The following LRP1B variants were observed in gnomAD, a reference collection of about 807,000 sequenced individuals.
LRP1B encodes the protein LDL receptor related protein 1B.
Under a neutral mutation model 556.6 loss-of-function variants are expected in LRP1B, and 217 were observed. The ratio of observed to expected loss-of-function variants is 0.39; its 90% CI spans 0.35 to 0.44. The LOEUF is 0.44. Ranked by LOEUF, LRP1B falls within the 20% of genes least tolerant of loss-of-function variation. The pLI, the probability that LRP1B is intolerant of heterozygous loss-of-function variation, is 1.00. For synonymous variants in LRP1B, 2,047 were observed against 1,865.8 expected, an observed-to-expected ratio of 1.10 and a Z score of -2.50; for missense variants, 5,053 against 5,620.8, an observed-to-expected ratio of 0.90 and a Z score of 3.23.
chr2:140,616,671 G>T (rs1026719098), intron 41 of LRP1B, among the ~76,000 whole-genome samples: 1 of 151,612 alleles, frequency 6.6e-6, no homozygotes, highest in Non-Finnish European at 1.5e-5. Flanking sequence ...CTTCATTTAT[G>T]AATGATTCAG....
At chr2:141,013,808 T>C in intron 13 of LRP1B, 63 bp from the exon 14 acceptor site, 1 of 934,544 alleles carries the variant, frequency 1.1e-6, no homozygotes, top group Non-Finnish European at 1.5e-6. Flanking sequence ...ACTAGATATT[T>C]AGAGAAAGTG....
chr2:140,405,089 A>T (rs1267006308), intron 66 of LRP1B, among the ~76,000 whole-genome samples: 1 of 152,232 alleles, frequency 6.6e-6, no homozygotes, highest in East Asian at 1.9e-4. Flanking sequence ...AAAACTATAC[A>T]AATAAATTAA....
At chr2:142,095,168 C>T (rs1706315917) in intron 1 of LRP1B, among the ~76,000 whole-genome samples, 1 of 150,824 alleles carries the variant, frequency 6.6e-6, no homozygotes, top group Non-Finnish European at 1.5e-5. Flanking sequence ...GCAGATGGAC[C>T]CCTATATTTT....
At chr2:140,385,426 A>G (rs998435953) in intron 67 of LRP1B, among the ~76,000 whole-genome samples, 14 of 152,300 alleles carry the variant, frequency 9.2e-5, no homozygotes, top group African/African-American at 3.4e-4. Flanking sequence ...AGAGAAATGC[A>G]TCCTGAATAT....
At chr2:141,893,322 T>TCC (rs1363590082) in intron 1 of LRP1B, among the ~76,000 whole-genome samples, 1 of 152,056 alleles carries the variant, frequency 6.6e-6, no homozygotes, top group Non-Finnish European at 1.5e-5. Flanking sequence ...TGCCTCAACC[T>TCC]CCCAAGTAGT....
intron 11 of LRP1B, among the ~76,000 whole-genome samples, chr2:141,043,291 T>A (rs1360838713): frequency 6.6e-6 from 1 of 150,564 alleles, no homozygotes; most frequent in African/African-American, 2.4e-5. Context: ...AGAATCACAG[T>A]TGGGAAGAAC....
At chr2:141,805,901 A>T (rs1404778286) in intron 2 of LRP1B, 1 of 152,098 alleles carries the variant, frequency 6.6e-6, no homozygotes, top group Non-Finnish European at 1.5e-5. Flanking sequence ...AATATTGCTT[A>T]GGACATTTTT....
At chr2:141,307,753 A>G (rs1216504692) in intron 3 of LRP1B, among the ~76,000 whole-genome samples, 1 of 152,138 alleles carries the variant, frequency 6.6e-6, no homozygotes, top group Non-Finnish European at 1.5e-5. Context: ...AGAGCAGCAT[A>G]TGGTGGCACT....
At position 140,294,946 on chromosome 2, in the gene LRP1B, G is replaced by A. The variant is rs574802706; in HGVS notation, c.12967+2862C>T. Among the ~76,000 whole-genome samples, 4 of 152,160 alleles carry A rather than the reference G, an allele frequency of 2.6e-5. No individual in the cohort carries two copies. The East Asian group carries it at 7.7e-4, about 29-fold the overall frequency. The stretch of plus-strand genomic sequence containing the variant: ...GGCTGGAGTGCAGTGGCGTGATCTC[G>A]GCTCACTGCAAGCTCCACCTCCTGG... On this transcript the variant is annotated intron_variant, in intron 84 of 90. Coordinates refer to ENST00000389484, the MANE Select transcript of LRP1B (RefSeq NM_018557.3).
chr2:141,377,089 T>C (rs549365402), intron 3 of LRP1B, among the ~76,000 whole-genome samples: 1 of 152,300 alleles, frequency 6.6e-6, no homozygotes, highest in African/African-American at 2.4e-5. Flanking sequence ...AACACATGTC[T>C]ATAAATCTAA....
At chr2:141,846,075 C>T (rs546375975) in intron 1 of LRP1B, among the ~76,000 whole-genome samples, 3 of 150,876 alleles carry the variant, frequency 2.0e-5, no homozygotes, top group Non-Finnish European at 4.4e-5. Flanking sequence ...AAGACAATAA[C>T]GGTAAAAGTT....
intron 41 of LRP1B, among the ~76,000 whole-genome samples, chr2:140,619,916 T>A (rs1447500710): frequency 6.6e-6 from 1 of 152,212 alleles, no homozygotes; most frequent in Non-Finnish European, 1.5e-5. Flanking sequence ...CATACATTAA[T>A]TAAATAACTA....
At chr2:141,694,284 A>G (rs917885070) in intron 2 of LRP1B, among the ~76,000 whole-genome samples, 9 of 152,046 alleles carry the variant, frequency 5.9e-5, no homozygotes, top group Non-Finnish European at 1.0e-4. Context: ...GAGAAGCAGA[A>G]GTCAGATAAA....
intron 27 of LRP1B, 53 bp downstream of exon 27, chr2:140,867,537 T>C (rs1692987370): frequency 3.9e-6 from 6 of 1,521,454 alleles, no homozygotes; most frequent in Non-Finnish European, 5.3e-6. Flanking sequence ...TATTATATGA[T>C]TAAGATGATA....
chr2:141,593,299 T>C (rs993567701), intron 2 of LRP1B, among the ~76,000 whole-genome samples: 1 of 152,168 alleles, frequency 6.6e-6, no homozygotes, highest in Non-Finnish European at 1.5e-5. Context: ...ATTTCATTAC[T>C]CAAAAGTACC....
intron 2 of LRP1B, among the ~76,000 whole-genome samples, chr2:141,663,025 T>A (rs1690284773): frequency 6.6e-6 from 1 of 152,046 alleles, no homozygotes; most frequent in Non-Finnish European, 1.5e-5. Context: ...AACTCAGGAT[T>A]AAGACACTTA....
At chr2:140,531,619 A>T (rs916707308) in intron 47 of LRP1B, among the ~76,000 whole-genome samples, 3 of 152,110 alleles carry the variant, frequency 2.0e-5, no homozygotes, top group African/African-American at 7.2e-5. Flanking sequence ...TCTCATCACA[A>T]CTGTACTTCA....
chr2:141,484,988 T>C (rs960075317), intron 2 of LRP1B, among the ~76,000 whole-genome samples: 5 of 152,152 alleles, frequency 3.3e-5, no homozygotes, highest in African/African-American at 1.2e-4. Flanking sequence ...AGGAACATGA[T>C]AGCAGGAGTA....
At chr2:140,422,767 G>A (rs546216104) in intron 66 of LRP1B, among the ~76,000 whole-genome samples, 63 of 152,246 alleles carry the variant, frequency 4.1e-4, no homozygotes, top group African/African-American at 1.4e-3. Flanking sequence ...TGTTTAGATC[G>A]GGGATGATAG....
Sources: gnomAD v4.1 joint callset for allele counts (sites outside exome capture counted in the v4.1 genomes callset) on GRCh38, gnomAD v4.1.1 for gene constraint, MANE v1.5 for transcripts, NCBI Gene and HGNC (gene_info 2026-07-23, HGNC 2026-07-21) for gene names.